Variants in ANO10 observed in about 807,000 individuals in gnomAD.
ANO10 encodes anoctamin-10.
A neutral mutation model predicts 74.7 loss-of-function variants in ANO10; 77 were observed. That is an observed-to-expected ratio of 1.03 (90% CI 0.86 to 1.25). ANO10 has a LOEUF of 1.25. Among genes scored for constraint, ANO10 ranks in the 50% most tolerant of loss-of-function variants. ANO10 has a pLI of 0.00. For missense variants in ANO10, 721 were observed against 778.1 expected, an observed-to-expected ratio of 0.93 and a Z score of 0.87; for synonymous variants, 279 against 284.9, an observed-to-expected ratio of 0.98 and a Z score of 0.21.
chr3:43,371,775 AG>A (rs2091621306), intron 12 of ANO10, among the ~76,000 whole-genome samples: 2 of 152,220 alleles, frequency 1.3e-5, no homozygotes, highest in Admixed American at 6.5e-5. Flanking sequence ...AGCTAGAGTC[AG>A]GGCAAAAATC....
intron 12 of ANO10, among the ~76,000 whole-genome samples, chr3:43,389,333 T>C (rs1157878866): frequency 6.6e-6 from 1 of 152,232 alleles, no homozygotes; most frequent in East Asian, 1.9e-4. Flanking sequence ...GTAAAAGTTA[T>C]AAAATATAGA....
intron 5 of ANO10, 60 bp downstream of exon 5, chr3:43,580,293 G>A (rs1241002158): frequency 6.2e-7 from 1 of 1,608,978 alleles, no homozygotes. Context: ...TCCACTGCTA[G>A]ATCGTAACTT....
At chr3:43,429,105 T>C (rs912068204) in intron 12 of ANO10, among the ~76,000 whole-genome samples, 6 of 152,008 alleles carry the variant, frequency 3.9e-5, no homozygotes, top group African/African-American at 1.5e-4. Flanking sequence ...ACTTGAGAGG[T>C]CATTTAGCCA....
chr3:43,422,370 C>T (rs2092833174), intron 12 of ANO10, among the ~76,000 whole-genome samples: 1 of 152,242 alleles, frequency 6.6e-6, no homozygotes. Flanking sequence ...CTGCCTCAGC[C>T]TCCCAAAGTG....
intron 11 of ANO10, among the ~76,000 whole-genome samples, chr3:43,447,247 G>A (rs1478640152): frequency 6.6e-6 from 1 of 152,166 alleles, no homozygotes; most frequent in Non-Finnish European, 1.5e-5. Flanking sequence ...TCGGTCAAAG[G>A]ATATACACAG....
At chr3:43,462,963 C>T (rs1328243454) in intron 11 of ANO10, among the ~76,000 whole-genome samples, 1 of 152,220 alleles carries the variant, frequency 6.6e-6, no homozygotes, top group Non-Finnish European at 1.5e-5. Context: ...AAGTCAAAAA[C>T]TGAGGTTTGG....
intron 11 of ANO10, among the ~76,000 whole-genome samples, chr3:43,434,808 G>A (rs764216801): frequency 2.1e-4 from 32 of 152,146 alleles, no homozygotes; most frequent in South Asian, 6.2e-4. Flanking sequence ...GTTTCCATGC[G>A]AACTGTTCAC....
chr3:43,450,336 T>C (rs2074804704), intron 11 of ANO10, among the ~76,000 whole-genome samples: 1 of 151,830 alleles, frequency 6.6e-6, no homozygotes, highest in Non-Finnish European at 1.5e-5. Context: ...AGGTCAGGAG[T>C]TTGAGACCAG....
intron 12 of ANO10, among the ~76,000 whole-genome samples, chr3:43,370,424 G>A (rs2091567253): frequency 6.6e-6 from 1 of 152,176 alleles, no homozygotes; most frequent in Non-Finnish European, 1.5e-5. Context: ...GGCCAGGAGG[G>A]GTGAAACAGA....
chr3:43,565,798 C>A (rs2080291641), intron 7 of ANO10, 71 bp from the exon 8 acceptor site: 1 of 1,483,994 alleles, frequency 6.7e-7, no homozygotes, highest in Non-Finnish European at 9.1e-7. Flanking sequence ...AACTGTAATG[C>A]AGCATTTAAA....
At chr3:43,410,371 C>G (rs1359142283) in intron 12 of ANO10, among the ~76,000 whole-genome samples, 1 of 152,100 alleles carries the variant, frequency 6.6e-6, no homozygotes, top group Non-Finnish European at 1.5e-5. Context: ...TTGCTTCAGC[C>G]TCCTCCCAAG....
intron 11 of ANO10, among the ~76,000 whole-genome samples, chr3:43,456,246 C>T (rs114533293): frequency 1.3e-5 from 2 of 152,164 alleles, no homozygotes; most frequent in Non-Finnish European, 2.9e-5. Flanking sequence ...ATACTCTCAG[C>T]TGCATTTTTG....
At chr3:43,432,523 G>A (rs1018847125) in intron 12 of ANO10, 88 bp downstream of exon 12, 35 of 1,235,660 alleles carry the variant, frequency 2.8e-5, no homozygotes, top group African/African-American at 5.9e-5. Flanking sequence ...CTTCAAGGCT[G>A]AAAAAAATGC....
At chr3:43,547,596 A>G (rs1373485201) in intron 11 of ANO10, among the ~76,000 whole-genome samples, 1 of 152,190 alleles carries the variant, frequency 6.6e-6, no homozygotes, top group African/African-American at 2.4e-5. Context: ...ATAAATAAAT[A>G]AGAGGAGGCA....
intron 11 of ANO10, among the ~76,000 whole-genome samples, chr3:43,527,036 A>AACACACACACACAC (rs56025632): frequency 4.8e-5 from 7 of 147,076 alleles, no homozygotes; most frequent in African/African-American, 1.3e-4. Context: ...ATGGATGTAA[A>AACACACACACACAC]ACACACACAC....
chr3:43,605,809 A>T lies in ANO10; in HGVS notation c.44T>A (p.Phe15Tyr), dbSNP rs752153100. Reference sequence around the variant, plus strand: ...AAGTTCTATGACCACCAAAGGTGTGAAAGAACTCTCAGAAGTATCCAAAGC... The same window carrying T: ...AAGTTCTATGACCACCAAAGGTGTGTAAGAACTCTCAGAAGTATCCAAAGC... Reference protein sequence around the residue: ...LSALDTSESSFTPLVVIELAQ... With the variant: ...LSALDTSESSYTPLVVIELAQ... The change falls in exon 2 of 13, where the codon TTC becomes TAC. Residue 15 changes from phenylalanine to tyrosine, a missense_variant. Coordinates refer to ENST00000292246, the MANE Select transcript of ANO10 (RefSeq NM_018075.5). 2 of 1,613,836 alleles carry T rather than the reference A, an allele frequency of 1.2e-6. No individual in the cohort carries two copies. The highest frequency in any genetic ancestry group is 2.2e-5 in the South Asian group (2 of 91,086).
intron 12 of ANO10, among the ~76,000 whole-genome samples, chr3:43,401,631 AAATT>A (rs2092483383): frequency 6.6e-6 from 1 of 152,254 alleles, no homozygotes; most frequent in Non-Finnish European, 1.5e-5. Flanking sequence ...CAAGTTGGAA[AAATT>A]AATGAATTAA....
At chr3:43,486,581 AG>A (rs778870395) in intron 11 of ANO10, among the ~76,000 whole-genome samples, 3 of 145,040 alleles carry the variant, frequency 2.1e-5, no homozygotes, top group Non-Finnish European at 4.6e-5. Context: ...TGTGAATGGG[AG>A]TTCACTCCTG....
intron 11 of ANO10, among the ~76,000 whole-genome samples, chr3:43,441,439 G>T (rs2093158621): frequency 6.6e-6 from 1 of 151,818 alleles, no homozygotes; most frequent in South Asian, 2.1e-4. Context: ...CTAGAAACAT[G>T]CAACCTACCA....
Sources: allele counts gnomAD v4.1 joint callset (sites outside exome capture counted in the v4.1 genomes callset), GRCh38; gene constraint gnomAD v4.1.1; transcripts MANE v1.5; gene names NCBI Gene and HGNC (gene_info 2026-07-23, HGNC 2026-07-21).